The following USP32 variants were observed in gnomAD, a reference collection of about 807,000 sequenced individuals.
USP32 encodes the protein ubiquitin specific peptidase 32, also known as ubiquitin carboxyl-terminal hydrolase 32.
A neutral mutation model predicts 204.8 loss-of-function variants in USP32; 59 were observed. That is an observed-to-expected ratio of 0.29 (90% CI 0.23 to 0.36). The LOEUF is 0.36. USP32 is among the 10% of genes least tolerant of loss of function. The pLI is 1.00. For synonymous variants in USP32, 517 were observed against 678.4 expected (o/e 0.76, Z 3.70); for missense variants, 1,160 against 1,946.4 (o/e 0.60, Z 7.60).
Position 60,269,561 on chromosome 17 carries a change from T to C in USP32, c.704-4A>G, listed in dbSNP as rs1317433033. 2.5e-6 allele frequency: 4 copies of C among 1,596,168 alleles called. No homozygotes were observed. The African/African-American group carries it at 5.4e-5, about 22-fold the overall frequency. Reference sequence around the variant, plus strand: ...TCATCAAAAGCATTAAACAAACCTGTAAAATAGGAAGAGATGCCATAAATC... The same window carrying C: ...TCATCAAAAGCATTAAACAAACCTGCAAAATAGGAAGAGATGCCATAAATC... On this transcript the variant is annotated splice_polypyrimidine_tract_variant and splice_region_variant and intron_variant, in intron 6 of 33. Transcript: ENST00000300896.
intron 1 of USP32, among the ~76,000 whole-genome samples, chr17:60,381,529 T>C (rs2089647264): frequency 6.6e-6 from 1 of 152,070 alleles, no homozygotes. Context: ...AATAGAATAA[T>C]CTTTGAAATG....
chr17:60,382,386 A>G (rs1020505158), intron 1 of USP32, among the ~76,000 whole-genome samples: 1 of 152,168 alleles, frequency 6.6e-6, no homozygotes, highest in Non-Finnish European at 1.5e-5. Flanking sequence ...AGTCCCCACA[A>G]TTCGGGAGAC....
chr17:60,421,575 G>T, intron 1 of USP32: 3 of 985,362 alleles, frequency 3.0e-6, no homozygotes, highest in Non-Finnish European at 3.6e-6. Flanking sequence ...AGAAAAGGTG[G>T]CTCGAGTGAG....
chr17:60,352,959 G>A (rs1054651096), intron 1 of USP32, among the ~76,000 whole-genome samples: 2 of 152,214 alleles, frequency 1.3e-5, no homozygotes, highest in African/African-American at 2.4e-5. Flanking sequence ...CTGTTTCTAA[G>A]ATATACTCAG....
chr17:60,367,994 A>G (rs974520746), intron 1 of USP32, among the ~76,000 whole-genome samples: 8 of 152,166 alleles, frequency 5.3e-5, no homozygotes, highest in Admixed American at 5.2e-4. Flanking sequence ...GGCTCTGCTT[A>G]GGTTACATGC....
At chr17:60,368,902 T>G (rs1222549498) in intron 1 of USP32, among the ~76,000 whole-genome samples, 3 of 152,010 alleles carry the variant, frequency 2.0e-5, no homozygotes. Context: ...TGAAAAAGTT[T>G]CTGATGCAAG....
chr17:60,226,738 T>C lies in USP32; in HGVS notation c.1240-507A>G, dbSNP rs376863532. 1.4e-3 allele frequency among the ~76,000 whole-genome samples: 215 copies of C among 152,270 alleles called. 1 individual carries two copies. Among genetic ancestry groups the C allele is most frequent in the African/African-American group, 4.8e-3 (199 of 41,556 alleles). ...GTAAAAGATGAGTGGTGTATGTACATAGAGTGAAGGGCAATGCTATGACTT... is the reference window on the plus strand; with the variant it reads ...GTAAAAGATGAGTGGTGTATGTACACAGAGTGAAGGGCAATGCTATGACTT... On this transcript the variant is annotated intron_variant, in intron 12 of 33. Coordinates refer to ENST00000300896, the MANE Select transcript of USP32 (RefSeq NM_032582.4).
At chr17:60,221,104 A>C (rs1291055071) in intron 15 of USP32, among the ~76,000 whole-genome samples, 1 of 152,134 alleles carries the variant, frequency 6.6e-6, no homozygotes, top group Non-Finnish European at 1.5e-5. Context: ...AATAAAAACA[A>C]CACTACAAGC....
At chr17:60,355,887 TAAAAA>T (rs58715953) in intron 1 of USP32, among the ~76,000 whole-genome samples, 2 of 51,498 alleles carry the variant, frequency 3.9e-5, no homozygotes, top group Admixed American at 2.3e-4. Flanking sequence ...TGAACCTCTG[TAAAAA>T]AAAAAAAAAA....
At chr17:60,193,113 C>T (rs1795109685) in intron 27 of USP32, among the ~76,000 whole-genome samples, 183 bp from the exon 28 acceptor site, 1 of 152,218 alleles carries the variant, frequency 6.6e-6, no homozygotes, top group Admixed American at 6.5e-5. Context: ...TACACTCTGG[C>T]TTCCCATCCT....
chr17:60,246,006 A>G (rs2086014240), intron 11 of USP32, among the ~76,000 whole-genome samples: 1 of 151,990 alleles, frequency 6.6e-6, no homozygotes, highest in Admixed American at 6.6e-5. Flanking sequence ...CACCTCAAAT[A>G]TTTATCATTT....
chr17:60,190,551 C>T lies in USP32; in HGVS notation c.3642+12G>A, dbSNP rs375513849. ...TAAAAACCACCATTTTATGGTGGCC[C>T]TAAATACTTACCCTTTCCTGGGATG... On this transcript the variant is annotated intron_variant, in intron 29 of 33. Coordinates refer to ENST00000300896, the MANE Select transcript of USP32 (RefSeq NM_032582.4). The T allele has an allele frequency of 5.5e-5, 85 of 1,558,704 alleles. No homozygotes were observed. Among genetic ancestry groups the T allele is most frequent in the Non-Finnish European group, 7.2e-5 (83 of 1,159,732 alleles).
At chr17:60,227,350 A>G (rs920606619) in intron 12 of USP32, among the ~76,000 whole-genome samples, 6 of 149,138 alleles carry the variant, frequency 4.0e-5, no homozygotes, top group African/African-American at 9.9e-5. Context: ...GGTCACTGCA[A>G]CCTCCACCTC....
At chr17:60,233,057 T>A (rs116288846) in intron 12 of USP32, among the ~76,000 whole-genome samples, 84 of 152,300 alleles carry the variant, frequency 5.5e-4, no homozygotes, top group African/African-American at 1.9e-3. Flanking sequence ...GAAGTAGTAA[T>A]TTATTCAAGG....
chr17:60,369,237 G>A (rs1181104165), intron 1 of USP32, among the ~76,000 whole-genome samples: 1 of 137,138 alleles, frequency 7.3e-6, no homozygotes, highest in Admixed American at 6.9e-5. Context: ...CTCGTGATCC[G>A]CCCGCCTCGG....
chr17:60,258,077 C>G (rs1484898867), intron 9 of USP32: 1 of 158,370 alleles, frequency 6.3e-6, no homozygotes, highest in African/African-American at 2.4e-5. Context: ...AGATGGAGAT[C>G]AAGACAGAGC....
At chr17:60,350,262 G>A (rs900752034) in intron 1 of USP32, among the ~76,000 whole-genome samples, 12 of 151,998 alleles carry the variant, frequency 7.9e-5, no homozygotes, top group Admixed American at 7.9e-4. Context: ...CAATCCACTC[G>A]CCTTGGCCTC....
At chr17:60,360,594 G>T (rs2089186275) in intron 1 of USP32, among the ~76,000 whole-genome samples, 1 of 151,924 alleles carries the variant, frequency 6.6e-6, no homozygotes, top group Non-Finnish European at 1.5e-5. Flanking sequence ...GGAGGTGGAG[G>T]TTGCAGGGAG....
At chr17:60,416,700 A>C (rs1008704665) in intron 1 of USP32, among the ~76,000 whole-genome samples, 5 of 152,118 alleles carry the variant, frequency 3.3e-5, no homozygotes, top group African/African-American at 1.2e-4. Context: ...TGATAATAAA[A>C]CCATTATGAG....
Sources: allele counts gnomAD v4.1 joint callset (sites outside exome capture counted in the v4.1 genomes callset), GRCh38; gene constraint gnomAD v4.1.1; transcripts MANE v1.5; gene names NCBI Gene and HGNC (gene_info 2026-07-23, HGNC 2026-07-21).